IL13RA1: variants seen among roughly 807,000 people sequenced by gnomAD.
IL13RA1 encodes the protein interleukin-13 receptor subunit alpha-1.
A neutral mutation model predicts 33.8 loss-of-function variants in IL13RA1; 14 were observed. The ratio of observed to expected loss-of-function variants is 0.41; its 90% CI spans 0.27 to 0.65. The LOEUF (loss-of-function observed/expected upper bound fraction) is 0.65, where lower values mean the gene tolerates loss of function less well. IL13RA1 is among the 30% of genes least tolerant of loss of function. IL13RA1 has a pLI of 0.28. For missense variants in IL13RA1, 313 were observed against 327.0 expected, an observed-to-expected ratio of 0.96 and a Z score of 0.33; for synonymous variants, 116 against 115.7, an observed-to-expected ratio of 1.00 and a Z score of -0.02.
intron 6 of IL13RA1, among the ~76,000 whole-genome samples, chrX:118,766,109 T>C (rs1378939134): frequency 8.9e-6 from 1 of 112,362 alleles, no homozygotes; most frequent in African/African-American, 3.2e-5. Flanking sequence ...ATGTTTTTAA[T>C]TTTAATATGG....
chrX:118,791,442 A>G lies in IL13RA1; in HGVS notation c.1192-320A>G, dbSNP rs750401859. Among the ~76,000 whole-genome samples, 7 of 111,453 alleles carry G rather than the reference A, an allele frequency of 6.3e-5. No individual in the cohort carries two copies. In the South Asian group the frequency reaches 2.7e-3, roughly 43 times the overall value. On this transcript the variant is annotated intron_variant, in intron 10 of 10. Coordinates refer to ENST00000371666, the MANE Select transcript of IL13RA1 (RefSeq NM_001560.3). Reference sequence around the variant, plus strand: ...AAACAGTTGGAGTAAGAACGGCATGACATCCTTTTATTCTTCTTAATAGAT... The same window carrying G: ...AAACAGTTGGAGTAAGAACGGCATGGCATCCTTTTATTCTTCTTAATAGAT...
chrX:118,749,891 A>G (rs28437618), intron 4 of IL13RA1, 113 bp downstream of exon 4: 9,943 of 479,872 alleles, frequency 0.021, 720 homozygotes, highest in African/African-American at 0.21. Flanking sequence ...CAAACTCAAC[A>G]AGATGGACAG....
chrX:118,777,223 A>T (rs950235563), intron 10 of IL13RA1, among the ~76,000 whole-genome samples: 2 of 109,989 alleles, frequency 1.8e-5, no homozygotes, highest in Non-Finnish European at 3.8e-5. Flanking sequence ...TACCTCCTAT[A>T]TGTGAAATCA....
intron 10 of IL13RA1, among the ~76,000 whole-genome samples, chrX:118,779,515 C>T (rs1211775197): frequency 1.8e-5 from 2 of 111,214 alleles, no homozygotes; most frequent in African/African-American, 6.5e-5. Flanking sequence ...ATACATAGAA[C>T]GAGGGGAAGG....
downstream of IL13RA1, among the ~76,000 whole-genome samples, chrX:118,796,976 G>A (rs1603225953): frequency 8.9e-6 from 1 of 112,534 alleles, no homozygotes; most frequent in Non-Finnish European, 1.9e-5. Context: ...TTGTATAGGG[G>A]AAAGAAACCT....
intron 10 of IL13RA1, among the ~76,000 whole-genome samples, chrX:118,791,505 T>G (rs1295908994): frequency 9.0e-6 from 1 of 110,896 alleles, no homozygotes; most frequent in Non-Finnish European, 1.9e-5. Flanking sequence ...ATTTGTTTAT[T>G]TCTGGAGATA....
intron 10 of IL13RA1, among the ~76,000 whole-genome samples, chrX:118,784,138 T>C (rs1296530547): frequency 1.7e-4 from 11 of 63,123 alleles, no homozygotes; most frequent in Middle Eastern, 8.5e-3. Context: ...TGTATATATA[T>C]ATATATATAC....
intron 8 of IL13RA1, chrX:118,769,980 A>C (rs2017693998): frequency 4.8e-6 from 1 of 210,176 alleles, no homozygotes; most frequent in Non-Finnish European, 8.9e-6. Context: ...AAGGAGCTGG[A>C]GTACAACTAC....
At chrX:118,798,560 T>C (rs187577731), downstream of IL13RA1, among the ~76,000 whole-genome samples, 10 of 112,002 alleles carry the variant, frequency 8.9e-5, no homozygotes, top group African/African-American at 2.9e-4. Flanking sequence ...CTGAAATGGT[T>C]GTTCTCTAGG....
intron 10 of IL13RA1, among the ~76,000 whole-genome samples, chrX:118,782,604 C>CTT (rs34711097): frequency 2.0e-5 from 2 of 100,628 alleles, no homozygotes; most frequent in African/African-American, 7.2e-5. Context: ...TTTGTTTTTG[C>CTT]TTTTTTTTTT....
chrX:118,756,551 G>C (rs1460104184), intron 4 of IL13RA1, among the ~76,000 whole-genome samples: 2 of 111,435 alleles, frequency 1.8e-5, no homozygotes, highest in African/African-American at 3.3e-5. Flanking sequence ...AGGTCAGGGA[G>C]GTCAATCTGA....
chrX:118,773,057 G>T (rs926604867), intron 8 of IL13RA1, among the ~76,000 whole-genome samples: 1 of 112,380 alleles, frequency 8.9e-6, no homozygotes, highest in African/African-American at 3.2e-5. Flanking sequence ...TGTACATAGA[G>T]AAATTTTTAT....
At chrX:118,764,804 C>T (rs753902296) in intron 6 of IL13RA1, among the ~76,000 whole-genome samples, 1 of 111,819 alleles carries the variant, frequency 8.9e-6, no homozygotes, top group African/African-American at 3.2e-5. Context: ...TTTCTTTTCT[C>T]CAACCCAGTC....
intron 1 of IL13RA1, among the ~76,000 whole-genome samples, chrX:118,737,119 G>A (rs5957050): frequency 0.066 from 7,362 of 112,220 alleles, 604 homozygotes; most frequent in African/African-American, 0.22. Flanking sequence ...GTACCTCTGT[G>A]ATCAGAAGCA....
At chrX:118,798,017 A>G (rs956502244), downstream of IL13RA1, among the ~76,000 whole-genome samples, 9 of 111,929 alleles carry the variant, frequency 8.0e-5, no homozygotes, top group African/African-American at 2.9e-4. Flanking sequence ...TTTAAACTAC[A>G]TTTAACATGT....
At chrX:118,727,964 C>A (rs919770373) in intron 1 of IL13RA1, among the ~76,000 whole-genome samples, 1 of 111,731 alleles carries the variant, frequency 9.0e-6, no homozygotes, top group East Asian at 2.9e-4. Context: ...TCCCGAACTC[C>A]GGGTGCGGCG....
intron 10 of IL13RA1, among the ~76,000 whole-genome samples, chrX:118,787,469 C>A (rs1348950185): frequency 9.0e-6 from 1 of 111,471 alleles, no homozygotes; most frequent in Non-Finnish European, 1.9e-5. Context: ...GGTTCCTGGT[C>A]CTGCTGTGCA....
the IL13RA1 span, among the ~76,000 whole-genome samples, chrX:118,804,025 C>T: frequency 1.9e-5 from 2 of 102,754 alleles, no homozygotes; most frequent in Admixed American, 1.1e-4. Context: ...GGTGCGATCT[C>T]GGCTCGCTGC....
chrX:118,768,918 A>G (rs2017679996), intron 8 of IL13RA1, among the ~76,000 whole-genome samples: 1 of 112,211 alleles, frequency 8.9e-6, no homozygotes, highest in African/African-American at 3.2e-5. Context: ...GTTGTAAGCC[A>G]TTCAGTTTGT....
Sources: gnomAD v4.1 joint callset for allele counts (sites outside exome capture counted in the v4.1 genomes callset) on GRCh38, gnomAD v4.1.1 for gene constraint, MANE v1.5 for transcripts, NCBI Gene and HGNC (gene_info 2026-07-23, HGNC 2026-07-21) for gene names.